SMCHD1: variants seen among roughly 807,000 people sequenced by gnomAD.
SMCHD1 encodes structural maintenance of chromosomes flexible hinge domain containing 1, also known as structural maintenance of chromosomes flexible hinge domain-containing protein 1.
A neutral mutation model predicts 254.7 loss-of-function variants in SMCHD1; 78 were observed. That is an observed-to-expected ratio of 0.31 (90% CI 0.26 to 0.37). The LOEUF is 0.37. SMCHD1 is among the 10% of genes least tolerant of loss of function. SMCHD1 has a pLI of 1.00. For synonymous variants in SMCHD1, 766 were observed against 794.9 expected (o/e 0.96, Z 0.61); for missense variants, 1,840 against 2,408.1 (o/e 0.76, Z 4.94).
At chr18:2,761,045 A>G (rs1270337892) in intron 35 of SMCHD1, among the ~76,000 whole-genome samples, 1 of 152,258 alleles carries the variant, frequency 6.6e-6, no homozygotes, top group African/African-American at 2.4e-5. Context: ...TATATCAACC[A>G]TGCATGAAAA....
intron 35 of SMCHD1, among the ~76,000 whole-genome samples, chr18:2,761,555 G>A (rs1019347114): frequency 1.3e-5 from 2 of 152,116 alleles, no homozygotes; most frequent in African/African-American, 2.4e-5. Context: ...AGTGGCTCAC[G>A]CCTGTAATCC....
chr18:2,772,407 A>AT (rs1344533840), intron 41 of SMCHD1, 35 bp downstream of exon 41: 1 of 1,484,886 alleles, frequency 6.7e-7, no homozygotes, highest in Non-Finnish European at 8.9e-7. Context: ...AAGGCAGTAC[A>AT]TTTTATTATC....
At chr18:2,776,321 A>G (rs2076065706) in intron 42 of SMCHD1, among the ~76,000 whole-genome samples, 1 of 152,144 alleles carries the variant, frequency 6.6e-6, no homozygotes, top group Admixed American at 6.5e-5. Flanking sequence ...CCCTGGATTC[A>G]AACTACCTTC....
chr18:2,794,634 C>G (rs980882537), intron 45 of SMCHD1, among the ~76,000 whole-genome samples: 4 of 152,168 alleles, frequency 2.6e-5, no homozygotes, highest in African/African-American at 7.2e-5. Flanking sequence ...AGGCAATAAT[C>G]TCAAACCTGA....
At chr18:2,704,616 T>C (rs556668974) in intron 13 of SMCHD1, among the ~76,000 whole-genome samples, 1 of 151,846 alleles carries the variant, frequency 6.6e-6, no homozygotes, top group Non-Finnish European at 1.5e-5. Flanking sequence ...TTTTTTTTTT[T>C]TTTTTTACTT....
intron 17 of SMCHD1, among the ~76,000 whole-genome samples, chr18:2,716,374 G>A (rs2074799924): frequency 1.3e-5 from 2 of 152,210 alleles, no homozygotes; most frequent in South Asian, 2.1e-4. Context: ...TTGGCCTCCT[G>A]TCCGGTATGT....
intron 9 of SMCHD1, among the ~76,000 whole-genome samples, chr18:2,697,407 G>A (rs1598330992): frequency 6.6e-6 from 1 of 152,332 alleles, no homozygotes; most frequent in Middle Eastern, 3.4e-3. Context: ...TGGAGGAAAA[G>A]GGAGATAATG....
intron 17 of SMCHD1, among the ~76,000 whole-genome samples, chr18:2,712,150 C>A (rs926273399): frequency 6.6e-6 from 1 of 151,842 alleles, no homozygotes; most frequent in Non-Finnish European, 1.5e-5. Flanking sequence ...TAAAATTGTG[C>A]TGAATTTGGC....
chr18:2,754,608 A>G (rs1019895239), intron 34 of SMCHD1, among the ~76,000 whole-genome samples: 5 of 152,188 alleles, frequency 3.3e-5, no homozygotes, highest in Non-Finnish European at 5.9e-5. Flanking sequence ...CCTAGCAAAT[A>G]CCAGATTTTC....
chr18:2,749,953 A>G (rs2075540150), intron 30 of SMCHD1, 90 bp from the exon 31 acceptor site: 3 of 1,146,122 alleles, frequency 2.6e-6, no homozygotes, highest in South Asian at 1.5e-5. Flanking sequence ...TAAAATAGGA[A>G]TAGAGGGAAA....
intron 7 of SMCHD1, among the ~76,000 whole-genome samples, chr18:2,690,021 T>C (rs181712009): frequency 3.9e-4 from 60 of 152,104 alleles, no homozygotes; most frequent in Non-Finnish European, 6.2e-4. Flanking sequence ...TCAAAAACAA[T>C]AAAAAATTTT....
At chr18:2,764,762 T>G (rs924584357) in intron 37 of SMCHD1, among the ~76,000 whole-genome samples, 1 of 152,168 alleles carries the variant, frequency 6.6e-6, no homozygotes, top group Admixed American at 6.5e-5. Context: ...CGACACCATT[T>G]TATATCAGGG....
chr18:2,690,364 A>C (rs2074147732), intron 7 of SMCHD1, among the ~76,000 whole-genome samples: 1 of 152,236 alleles, frequency 6.6e-6, no homozygotes, highest in Non-Finnish European at 1.5e-5. Context: ...AAAGGATTTT[A>C]CAGTAATTGT....
chr18:2,771,507 T>G (rs762272458), intron 39 of SMCHD1, 26 bp from the exon 40 acceptor site: 1 of 1,522,958 alleles, frequency 6.6e-7, no homozygotes, highest in East Asian at 2.4e-5. Flanking sequence ...CAGAAATTGA[T>G]GCAAATTTTT....
chr18:2,742,044 T>C (rs576426257), intron 28 of SMCHD1, among the ~76,000 whole-genome samples: 11 of 152,326 alleles, frequency 7.2e-5, no homozygotes, highest in Admixed American at 3.3e-4. Context: ...CTGATCATGT[T>C]TTTCTGCTCT....
intron 1 of SMCHD1, among the ~76,000 whole-genome samples, chr18:2,662,188 T>G (rs1442087374): frequency 1.3e-5 from 1 of 76,080 alleles, no homozygotes; most frequent in Non-Finnish European, 2.2e-5. Flanking sequence ...ATAAAATAAA[T>G]AAATAAATAA....
rs1458699790 is a variant in SMCHD1 at position 2,732,387 on chromosome 18, G to A, written c.3171G>A (p.Glu1057=). The change falls in exon 25 of 48, where the codon GAG becomes GAA. Residue 1057 remains glutamate (E), a synonymous_variant. Coordinates refer to ENST00000320876, the MANE Select transcript of SMCHD1 (RefSeq NM_015295.3). ...QKAIQIKHQD[E]VNWIAGDIMH... is the part of the protein sequence containing the mutation. ...CAATTCAGATCAAACATCAGGATGA[G>A]GTTAATTGGATAGCGGGTGATATTA... The A allele has an allele frequency of 6.2e-7, 1 of 1,613,300 alleles. No homozygotes were observed. Among genetic ancestry groups the A allele is most frequent in the Non-Finnish European group, 8.5e-7 (1 of 1,179,532 alleles).
intron 7 of SMCHD1, among the ~76,000 whole-genome samples, chr18:2,689,279 G>A (rs769537231): frequency 3.4e-5 from 5 of 146,356 alleles, no homozygotes; most frequent in Non-Finnish European, 7.5e-5. Flanking sequence ...GTGCAGTGGC[G>A]CAACCTCAGC....
intron 20 of SMCHD1, 63 bp from the exon 21 acceptor site, chr18:2,724,836 A>T: frequency 1.2e-6 from 1 of 840,056 alleles, no homozygotes; most frequent in Middle Eastern, 2.5e-4. Flanking sequence ...GGAAAGCAAA[A>T]ACACATTTGC....
Sources: allele counts gnomAD v4.1 joint callset (sites outside exome capture counted in the v4.1 genomes callset), GRCh38; gene constraint gnomAD v4.1.1; transcripts MANE v1.5; gene names NCBI Gene and HGNC (gene_info 2026-07-23, HGNC 2026-07-21).